ARHGAP5: variants seen among roughly 807,000 people sequenced by gnomAD.
ARHGAP5 encodes rho GTPase-activating protein 5.
ARHGAP5 carries 23 observed loss-of-function variants against 116.6 expected under a neutral mutation model. The ratio of observed to expected loss-of-function variants is 0.20; its 90% CI spans 0.14 to 0.28. The LOEUF (loss-of-function observed/expected upper bound fraction) is 0.28. Among genes scored for constraint, ARHGAP5 ranks in the 10% least tolerant of loss-of-function variants. The pLI is 1.00. For synonymous variants in ARHGAP5, 574 were observed against 602.0 expected (o/e 0.95, Z 0.68); for missense variants, 1,405 against 1,774.8 (o/e 0.79, Z 3.74).
chr14:32,117,800 T>G (rs1190148016), intron 3 of ARHGAP5, among the ~76,000 whole-genome samples: 3 of 152,322 alleles, frequency 2.0e-5, no homozygotes, highest in Non-Finnish European at 4.4e-5. Flanking sequence ...TTTTAAAGAA[T>G]GCATAGATAT....
At chr14:32,087,052 T>C (rs1179015254) in intron 1 of ARHGAP5, among the ~76,000 whole-genome samples, 1 of 152,162 alleles carries the variant, frequency 6.6e-6, no homozygotes, top group Non-Finnish European at 1.5e-5. Context: ...TGCATGAAAG[T>C]AAGCCTACAT....
In ARHGAP5 at chr14:32,146,185, A is replaced by G. The variant is rs1881369767; in HGVS notation, c.3866-78A>G. ...CTTGGCCTCCCAGAGTGCTGGGATTACAAACATGAGCCACTGTGCCCAGCC... is the reference window on the plus strand; with the variant it reads ...CTTGGCCTCCCAGAGTGCTGGGATTGCAAACATGAGCCACTGTGCCCAGCC... On this transcript the variant is annotated intron_variant, in intron 3 of 6. Transcript: ENST00000345122. 5 of 1,102,224 alleles carry G rather than the reference A, an allele frequency of 4.5e-6. No homozygotes were observed. The South Asian group carries it at 5.6e-5, about 12-fold the overall frequency. 68.3% of individuals were successfully genotyped at this position (1,102,224 alleles called of 1,614,324 possible).
At chr14:32,139,102 A>G (rs777571740) in intron 3 of ARHGAP5, among the ~76,000 whole-genome samples, 1 of 152,136 alleles carries the variant, frequency 6.6e-6, no homozygotes, top group Admixed American at 6.5e-5. Context: ...TATTCTTAAT[A>G]TTCAATTAAT....
chr14:32,159,431 A>G lies in ARHGAP5; in HGVS notation c.*4483A>G, dbSNP rs1313205347. On this transcript the variant is annotated 3_prime_UTR_variant, in exon 7 of 7. Coordinates refer to ENST00000345122, the MANE Select transcript of ARHGAP5 (RefSeq NM_001030055.2). ...TGTTTTAACCTATTTTTTTAAGTTTATTTTTTGTATTAGATTTTATTTGAA... is the reference window on the plus strand; with the variant it reads ...TGTTTTAACCTATTTTTTTAAGTTTGTTTTTTGTATTAGATTTTATTTGAA... 2.0e-5 allele frequency: 3 copies of G among 151,962 alleles called. No homozygotes were observed. In the South Asian group the frequency reaches 6.2e-4, roughly 31 times the overall value. The allele number at this position is 151,962 out of a possible 1,614,324, so 9.4% of individuals were successfully genotyped here. A position where few individuals can be genotyped will look rare whatever the true frequency, so the allele number is the denominator to read the frequency against.
chr14:32,122,656 G>A (rs1193107572), intron 3 of ARHGAP5, among the ~76,000 whole-genome samples: 1 of 152,060 alleles, frequency 6.6e-6, no homozygotes, highest in African/African-American at 2.4e-5. Context: ...CATACATTTA[G>A]GTCTGTGATC....
chr14:32,107,409 T>C (rs1879068044), intron 2 of ARHGAP5, among the ~76,000 whole-genome samples: 1 of 152,086 alleles, frequency 6.6e-6, no homozygotes, highest in Non-Finnish European at 1.5e-5. Flanking sequence ...TATAAGCCAA[T>C]AGTACTTCGT....
At chr14:32,129,402 T>C (rs2139098180) in intron 3 of ARHGAP5, among the ~76,000 whole-genome samples, 1 of 152,336 alleles carries the variant, frequency 6.6e-6, no homozygotes, top group South Asian at 2.1e-4. Flanking sequence ...CTATGACAAA[T>C]GAATTATAAA....
In ARHGAP5 at chr14:32,149,976, GA is replaced by G. The variant is rs1475721392; in HGVS notation, c.4019del (p.Asp1340ValfsTer6). The G allele has an allele frequency of 6.2e-7, 1 of 1,608,984 alleles. No homozygotes were observed. The highest frequency in any genetic ancestry group is 1.3e-5 in the African/African-American group (1 of 74,626). On this transcript the variant is annotated frameshift_variant, in exon 5 of 7. Transcript: ENST00000345122. LOFTEE classifies it high-confidence loss of function. Reference sequence around the variant, plus strand: ...TGGAGCCCTTAAAGCTTTCTTTGCAGATCTGCCAGATCCTTTAATTCCATAT... The same window carrying G: ...TGGAGCCCTTAAAGCTTTCTTTGCAGTCTGCCAGATCCTTTAATTCCATAT... ...VAGALKAFFA[D>X]LPDPLIPYSL...
chr14:32,105,590 A>G (rs904316211), intron 2 of ARHGAP5, among the ~76,000 whole-genome samples: 2 of 152,146 alleles, frequency 1.3e-5, no homozygotes, highest in African/African-American at 4.8e-5. Flanking sequence ...TGACATTAAT[A>G]TGATCTACAG....
chr14:32,143,467 A>G (rs1232356529), intron 3 of ARHGAP5, among the ~76,000 whole-genome samples: 1 of 152,048 alleles, frequency 6.6e-6, no homozygotes, highest in Non-Finnish European at 1.5e-5. Context: ...GATGGTCTCA[A>G]TCTCCTGACC....
At chr14:32,089,975 G>T (rs547985608) in intron 1 of ARHGAP5, among the ~76,000 whole-genome samples, 3 of 151,632 alleles carry the variant, frequency 2.0e-5, no homozygotes, top group African/African-American at 4.8e-5. Flanking sequence ...TTTTAAAAAA[G>T]ACTTGAAATT....
At chr14:32,102,153 T>A (rs965936923) in intron 2 of ARHGAP5, among the ~76,000 whole-genome samples, 1 of 152,228 alleles carries the variant, frequency 6.6e-6, no homozygotes, top group African/African-American at 2.4e-5. Flanking sequence ...TTCTTCAGAG[T>A]TGATGTGGAA....
intron 1 of ARHGAP5, among the ~76,000 whole-genome samples, chr14:32,080,467 T>A (rs987176193): frequency 3.3e-5 from 5 of 151,694 alleles, no homozygotes; most frequent in African/African-American, 1.2e-4. Context: ...AAAAAAAAAA[T>A]TCCCCTTAAA....
chr14:32,094,382 A>G lies in ARHGAP5; in HGVS notation c.3713A>G (p.Lys1238Arg), dbSNP rs1878422904. Reference protein sequence around the residue: ...KKKTHKVKEDKKQKKKTKNFN... With the variant: ...KKKTHKVKEDRKQKKKTKNFN... Reference sequence around the variant, plus strand: ...AAAACCCACAAAGTGAAAGAAGATAAAAAGGTAAGGTTAACTTAAGGTCAG... The same window carrying G: ...AAAACCCACAAAGTGAAAGAAGATAGAAAGGTAAGGTTAACTTAAGGTCAG... Residue 1238 changes from lysine to arginine, a missense_variant, in exon 2 of 7, where the codon AAA (lysine) becomes AGA (arginine). Physicochemically the swap from Lys to Arg is conservative, Grantham distance 26. This residue lies in a region of ARHGAP5 where 176 missense variants were observed against 221.2 expected (regional missense o/e 0.80). Transcript: ENST00000345122. The G allele has an allele frequency of 6.4e-7, 1 of 1,566,708 alleles. No homozygotes were observed. The highest frequency in any genetic ancestry group is 1.2e-5 in the South Asian group (1 of 82,260).
chr14:32,145,836 C>A (rs1019033507), intron 3 of ARHGAP5, among the ~76,000 whole-genome samples: 1 of 151,990 alleles, frequency 6.6e-6, no homozygotes, highest in East Asian at 1.9e-4. Context: ...TTAAAATGCT[C>A]AAAAAATATT....
chr14:32,154,850 C>A lies in ARHGAP5; in HGVS notation c.4411C>A (p.Gln1471Lys). Residue 1471 changes from glutamine (Q) to lysine (K), a missense_variant, in exon 7 of 7, where the codon CAG becomes AAG. Physicochemically the swap from Gln to Lys is moderately conservative, Grantham distance 53 (BLOSUM62 1). Coordinates refer to ENST00000345122, the MANE Select transcript of ARHGAP5 (RefSeq NM_001030055.2). Reference sequence around the variant, plus strand: ...TCCTCCACCACCTTCAAACCCAGGACAGTTGGTGGAACCAATGGTGCCACT... The same window carrying A: ...TCCTCCACCACCTTCAAACCCAGGAAAGTTGGTGGAACCAATGGTGCCACT... Reference protein sequence around the residue: ...VAPPPPSNPGQLVEPMVPLQL... With the variant: ...VAPPPPSNPGKLVEPMVPLQL... 1 of 1,614,128 alleles carries A rather than the reference C, an allele frequency of 6.2e-7. No individual in the cohort carries two copies. The highest frequency in any genetic ancestry group is 1.3e-5 in the African/African-American group (1 of 75,040).
At chr14:32,130,847 C>A (rs892981026) in intron 3 of ARHGAP5, among the ~76,000 whole-genome samples, 16 of 152,140 alleles carry the variant, frequency 1.1e-4, no homozygotes, top group Non-Finnish European at 2.2e-4. Context: ...CATTTTCTCA[C>A]ATTTTTCAAA....
chr14:32,107,278 G>A (rs1299661081), intron 2 of ARHGAP5, among the ~76,000 whole-genome samples: 1 of 152,102 alleles, frequency 6.6e-6, no homozygotes, highest in Admixed American at 6.5e-5. Context: ...TTGATGATGT[G>A]AGTAATCATT....
rs954271666 is a variant in ARHGAP5 at position 32,133,194 on chromosome 14, G to A, written c.3866-13069G>A. On this transcript the variant is annotated intron_variant, in intron 3 of 6. Coordinates refer to ENST00000345122, the MANE Select transcript of ARHGAP5 (RefSeq NM_001030055.2). ...CCTTGGGCAATATGGCCATTTTCACGATATTGATTCTTCCTACCCATGAGC... is the reference window on the plus strand; with the variant it reads ...CCTTGGGCAATATGGCCATTTTCACAATATTGATTCTTCCTACCCATGAGC... Among the ~76,000 whole-genome samples the A allele has an allele frequency of 3.6e-3, 548 of 152,172 alleles. 2 individuals carry two copies. Among genetic ancestry groups the A allele is most frequent in the African/African-American group, 0.012 (507 of 41,502 alleles).
Sources: gnomAD v4.1 joint callset for allele counts (sites outside exome capture counted in the v4.1 genomes callset) on GRCh38, gnomAD v4.1.1 for gene constraint, gnomAD v4.1.1 regional missense constraint, MANE v1.5 for transcripts, NCBI Gene and HGNC (gene_info 2026-07-23, HGNC 2026-07-21) for gene names.